The following NLGN1 variants were observed in gnomAD, a reference collection of about 807,000 sequenced individuals.
The protein encoded by NLGN1 is neuroligin-1.
NLGN1 carries 12 observed loss-of-function variants against 65.5 expected under a neutral mutation model. The ratio of observed to expected loss-of-function variants is 0.18; its 90% CI spans 0.12 to 0.30. The LOEUF (loss-of-function observed/expected upper bound fraction) is 0.30, where lower values mean the gene tolerates loss of function less well. NLGN1 is among the 10% of genes least tolerant of loss of function. The pLI, the probability that NLGN1 is intolerant of heterozygous loss-of-function variation, is 1.00. For synonymous variants in NLGN1, 350 were observed against 359.5 expected, an observed-to-expected ratio of 0.97 and a Z score of 0.30; for missense variants, 750 against 1,007.1, an observed-to-expected ratio of 0.74 and a Z score of 3.46.
intron 4 of NLGN1, among the ~76,000 whole-genome samples, chr3:173,916,248 C>T (rs971077686): frequency 4.6e-5 from 7 of 152,148 alleles, no homozygotes; most frequent in African/African-American, 1.4e-4. Flanking sequence ...AGTTGCCTTT[C>T]AGCTACCCTA....
intron 4 of NLGN1, among the ~76,000 whole-genome samples, chr3:174,235,108 T>G (rs1351693469): frequency 6.6e-6 from 1 of 150,926 alleles, no homozygotes; most frequent in Non-Finnish European, 1.5e-5. Context: ...ACCTGCATTC[T>G]CTTAACTTTG....
Position 173,641,795 on chromosome 3 carries a change from A to C in NLGN1, c.493+36704A>C, listed in dbSNP as rs114887846. ...GTGGGTAGGCTAGAGCCTGTGAAGC[A>C]AATCCAATCTACTTCCTGGTTTTGT... On this transcript the variant is annotated intron_variant, in intron 3 of 6. Coordinates refer to ENST00000457714, the Ensembl canonical transcript of NLGN1. Among the ~76,000 whole-genome samples the C allele has an allele frequency of 6.3e-3, 966 of 152,328 alleles. 14 individuals are homozygous for C. The highest frequency in any genetic ancestry group is 0.022 in the African/African-American group (920 of 41,580).
chr3:173,708,241 C>A (rs767995630), intron 3 of NLGN1, among the ~76,000 whole-genome samples: 1 of 152,092 alleles, frequency 6.6e-6, no homozygotes, highest in Admixed American at 6.5e-5. Flanking sequence ...TTTATAATGA[C>A]CCAGAAGCCC....
intron 1 of NLGN1, among the ~76,000 whole-genome samples, chr3:173,407,129 G>T (rs1718837553): frequency 1.3e-5 from 2 of 152,152 alleles, no homozygotes; most frequent in Admixed American, 1.3e-4. Flanking sequence ...TAGAGTCTCA[G>T]ATCATTAAAT....
At chr3:173,725,387 G>A (rs1771598514) in intron 3 of NLGN1, among the ~76,000 whole-genome samples, 1 of 152,152 alleles carries the variant, frequency 6.6e-6, no homozygotes, top group East Asian at 1.9e-4. Flanking sequence ...ATGGGAATGA[G>A]AATAGGGAAG....
chr3:173,716,283 A>G (rs1769835210), intron 3 of NLGN1, among the ~76,000 whole-genome samples: 1 of 152,144 alleles, frequency 6.6e-6, no homozygotes. Context: ...TTTTGTAGAT[A>G]TATTCATTTT....
intron 4 of NLGN1, among the ~76,000 whole-genome samples, chr3:174,219,365 G>A (rs1738218953): frequency 6.6e-6 from 1 of 152,000 alleles, no homozygotes; most frequent in African/African-American, 2.4e-5. Context: ...TGGAAATTGT[G>A]GTTTATTAAA....
chr3:173,804,675 C>G (rs1412491274), intron 3 of NLGN1, among the ~76,000 whole-genome samples: 3 of 150,068 alleles, frequency 2.0e-5, no homozygotes, highest in African/African-American at 7.3e-5. Flanking sequence ...AAAAAAAACC[C>G]TATAAACTAA....
At chr3:174,290,340 G>A (rs1223008078), downstream of NLGN1, among the ~76,000 whole-genome samples, 1 of 150,674 alleles carries the variant, frequency 6.6e-6, no homozygotes, top group Non-Finnish European at 1.5e-5. Flanking sequence ...AGGGGAACAT[G>A]GCATATAAAT....
intron 4 of NLGN1, among the ~76,000 whole-genome samples, chr3:174,269,535 A>C (rs1748940287): frequency 1.3e-5 from 2 of 151,986 alleles, no homozygotes; most frequent in Admixed American, 1.3e-4. Flanking sequence ...TTAAAGCTAC[A>C]CAATATTCCA....
At chr3:173,698,766 T>C (rs965996941) in intron 3 of NLGN1, among the ~76,000 whole-genome samples, 6 of 152,244 alleles carry the variant, frequency 3.9e-5, no homozygotes, top group Admixed American at 3.9e-4. Flanking sequence ...CTTTTGACAT[T>C]ATCTGCCTAT....
At chr3:173,717,544 A>T (rs984121115) in intron 3 of NLGN1, among the ~76,000 whole-genome samples, 19 of 152,312 alleles carry the variant, frequency 1.2e-4, no homozygotes, top group African/African-American at 4.6e-4. Flanking sequence ...TTAAAAGTAG[A>T]GCAAAAATTT....
At chr3:173,827,379 A>C (rs767989566) in intron 4 of NLGN1, among the ~76,000 whole-genome samples, 1 of 152,064 alleles carries the variant, frequency 6.6e-6, no homozygotes, top group Non-Finnish European at 1.5e-5. Context: ...TGGGCAGGAG[A>C]TCAGAGAAAA....
intron 3 of NLGN1, among the ~76,000 whole-genome samples, chr3:173,727,846 G>C (rs1355311107): frequency 6.6e-6 from 1 of 152,154 alleles, no homozygotes; most frequent in Non-Finnish European, 1.5e-5. Flanking sequence ...CAATCAAAAA[G>C]AAGTACAGGA....
chr3:173,918,680 GTGTGTGTGTGTGTGTGTGTGTGTATATA>G (rs1371591743), intron 4 of NLGN1, among the ~76,000 whole-genome samples: 5 of 130,770 alleles, frequency 3.8e-5, no homozygotes, highest in African/African-American at 1.2e-4. Flanking sequence ...GTGTGTGTGT[GTGTGTGTGTGTGTGTGTGTGTGTATATA>G]TATATATTGC....
intron 2 of NLGN1, among the ~76,000 whole-genome samples, chr3:173,533,961 C>G (rs1005191440): frequency 6.6e-6 from 1 of 152,076 alleles, no homozygotes; most frequent in Non-Finnish European, 1.5e-5. Flanking sequence ...CAGCATGGGT[C>G]ACACAATGAG....
At chr3:173,471,002 G>A (rs1725227635) in intron 2 of NLGN1, among the ~76,000 whole-genome samples, 1 of 152,020 alleles carries the variant, frequency 6.6e-6, no homozygotes, top group African/African-American at 2.4e-5. Context: ...CTGCTTGCAT[G>A]CTCTGGAATG....
intron 4 of NLGN1, among the ~76,000 whole-genome samples, chr3:174,071,678 C>G (rs1164624227): frequency 6.7e-6 from 1 of 149,870 alleles, no homozygotes; most frequent in Non-Finnish European, 1.5e-5. Flanking sequence ...TGCACTCCAG[C>G]CTGGATGACA....
intron 4 of NLGN1, among the ~76,000 whole-genome samples, chr3:173,851,808 TTC>T (rs1287449778): frequency 2.0e-5 from 3 of 152,224 alleles, no homozygotes; most frequent in Non-Finnish European, 4.4e-5. Context: ...TGAAGAATTT[TTC>T]TGTTTGAGTC....
Sources: gnomAD v4.1 joint callset for allele counts (sites outside exome capture counted in the v4.1 genomes callset) on GRCh38, gnomAD v4.1.1 for gene constraint, MANE v1.5 for transcripts, NCBI Gene and HGNC (gene_info 2026-07-23, HGNC 2026-07-21) for gene names.